The following SPINK9 variants were observed in gnomAD, a reference collection of about 807,000 sequenced individuals.
SPINK9 encodes the protein serine protease inhibitor Kazal-type 9.
Under a neutral mutation model 10.8 loss-of-function variants are expected in SPINK9, and 3 were observed. The ratio of observed to expected loss-of-function variants is 0.28; its 90% CI spans 0.13 to 0.72. SPINK9 has a LOEUF of 0.72. Among genes scored for constraint, SPINK9 ranks in the 30% least tolerant of loss-of-function variants. The probability of loss-of-function intolerance (pLI) is 0.74; values close to 1 mark genes in which losing one functional copy is unlikely to be tolerated. For missense variants in SPINK9, 101 were observed against 103.2 expected, an observed-to-expected ratio of 0.98 and a Z score of 0.09; for synonymous variants, 30 against 31.2, an observed-to-expected ratio of 0.96 and a Z score of 0.12.
At chr5:148,326,268 A>G (rs1484740754) in intron 2 of SPINK9, among the ~76,000 whole-genome samples, 1 of 152,200 alleles carries the variant, frequency 6.6e-6, no homozygotes, top group Non-Finnish European at 1.5e-5. Context: ...AGAATGTGAG[A>G]AAAAGGAATA....
At chr5:148,338,379 A>G in intron 2 of SPINK9, 99 bp from the exon 3 acceptor site, 1 of 1,030,756 alleles carries the variant, frequency 9.7e-7, no homozygotes. Flanking sequence ...GTAATAAGAA[A>G]CATGCATTGA....
chr5:148,327,533 G>T (rs1462536685), intron 2 of SPINK9, among the ~76,000 whole-genome samples: 84 of 152,078 alleles, frequency 5.5e-4, no homozygotes, highest in African/African-American at 1.9e-3. Flanking sequence ...GTCAATTTTG[G>T]CTTTTGTTGC....
chr5:148,327,429 C>G (rs1446304154), intron 2 of SPINK9, among the ~76,000 whole-genome samples: 1 of 151,998 alleles, frequency 6.6e-6, no homozygotes, highest in Non-Finnish European at 1.5e-5. Context: ...GAGTAGGTTG[C>G]AAAAATTTTC....
At chr5:148,322,351 A>G (rs557905910) in intron 1 of SPINK9, among the ~76,000 whole-genome samples, 1 of 152,338 alleles carries the variant, frequency 6.6e-6, no homozygotes, top group Admixed American at 6.5e-5. Context: ...AAGATCAGGT[A>G]AAGATATCAA....
chr5:148,327,331 C>G (rs1206809127), intron 2 of SPINK9, among the ~76,000 whole-genome samples: 2 of 152,094 alleles, frequency 1.3e-5, no homozygotes, highest in Non-Finnish European at 2.9e-5. Flanking sequence ...ATGTTCATAT[C>G]CCTTGCCCAC....
chr5:148,335,750 G>A, intron 1 of SPINK9, 82 bp downstream of exon 1: 2 of 1,466,474 alleles, frequency 1.4e-6, no homozygotes, highest in Non-Finnish European at 1.9e-6. Context: ...TGGGATATAT[G>A]TAATTCATCA....
upstream of SPINK9, among the ~76,000 whole-genome samples, chr5:148,331,881 T>G (rs34001290): frequency 0.34 from 51,655 of 152,104 alleles, 9,763 homozygotes; most frequent in African/African-American, 0.52. Context: ...AATTTTAATA[T>G]TGGAAAATGT....
chr5:148,332,125 A>C (rs1413711452), upstream of SPINK9, among the ~76,000 whole-genome samples: 1 of 152,238 alleles, frequency 6.6e-6, no homozygotes, highest in Non-Finnish European at 1.5e-5. Flanking sequence ...TTCAAAAGAA[A>C]AAGTTATAAA....
chr5:148,329,378 T>G (rs1163793120), intron 2 of SPINK9, among the ~76,000 whole-genome samples: 6 of 152,172 alleles, frequency 3.9e-5, no homozygotes, highest in Non-Finnish European at 8.8e-5. Flanking sequence ...TTATTGCATC[T>G]ATTTGATTCT....
chr5:148,334,250 A>ATCTGATG (rs1757186558), upstream of SPINK9, among the ~76,000 whole-genome samples: 1 of 151,960 alleles, frequency 6.6e-6, no homozygotes, highest in South Asian at 2.1e-4. Context: ...AGATATTAAG[A>ATCTGATG]ATTGGGGGGG....
rs1047155212 is a variant in SPINK9 at position 148,322,892 on chromosome 5, A to C, written c.-72-787A>C. On this transcript the variant is annotated intron_variant, in intron 1 of 4. Coordinates refer to the SPINK9 transcript ENST00000511717. ...GACCTTTTTCTTCCAGCATTTATCA[A>C]AACTCACGACCTTAAAAGTATCCCC... 2.6e-5 allele frequency among the ~76,000 whole-genome samples: 4 copies of C among 152,312 alleles called. No individual in the cohort carries two copies. In the East Asian group the frequency reaches 7.7e-4, roughly 29 times the overall value.
chr5:148,327,565 C>T (rs1757082187), intron 2 of SPINK9, among the ~76,000 whole-genome samples: 1 of 152,216 alleles, frequency 6.6e-6, no homozygotes, highest in East Asian at 1.9e-4. Context: ...GTGTTTTAGA[C>T]ATGAAGTCCT....
intron 1 of SPINK9, among the ~76,000 whole-genome samples, chr5:148,322,824 T>C (rs1757014080): frequency 6.6e-6 from 1 of 152,192 alleles, no homozygotes; most frequent in South Asian, 2.1e-4. Flanking sequence ...AGTTCTGCAA[T>C]CTATATGACA....
In SPINK9 at chr5:148,339,813, A is replaced by G. The variant is rs1311660102; in HGVS notation, c.*101A>G. The G allele has an allele frequency of 1.1e-6, 1 of 931,500 alleles. No individual in the cohort carries two copies. The highest frequency in any genetic ancestry group is 2.0e-5 in the Admixed American group (1 of 49,826). The allele number at this position is 931,500 out of a possible 1,614,324, so 57.7% of individuals were successfully genotyped here. The stretch of plus-strand genomic sequence containing the variant: ...TGCCACATTGCCTACTCATCACCAT[A>G]TGTAGATTTCTTTGTAGAATAAAGC... On this transcript the variant is annotated 3_prime_UTR_variant, in exon 4 of 4. Transcript: ENST00000377906.
chr5:148,339,522 T>C lies in SPINK9; in HGVS notation c.216-145T>C, dbSNP rs529706807. On this transcript the variant is annotated intron_variant, in intron 3 of 3. Coordinates refer to ENST00000377906, the MANE Select transcript of SPINK9 (RefSeq NM_001040433.2). ...ATAATCAGCACCAGTTTCAAAAATA[T>C]TTCTAAATTGCAGTCACTCCTTTTA... 23 of 618,556 alleles carry C rather than the reference T, an allele frequency of 3.7e-5. No individual in the cohort carries two copies. The South Asian group carries it at 4.6e-4, about 12-fold the overall frequency. 38.3% of individuals were successfully genotyped at this position (618,556 alleles called of 1,614,324 possible).
intron 1 of SPINK9, among the ~76,000 whole-genome samples, chr5:148,321,765 ATTAC>A (rs560527481): frequency 6.6e-6 from 1 of 152,352 alleles, no homozygotes; most frequent in Admixed American, 6.5e-5. Flanking sequence ...TCCCCAAGTC[ATTAC>A]TTACCCACAA....
chr5:148,324,914 C>A (rs942366289), intron 2 of SPINK9, among the ~76,000 whole-genome samples: 1 of 151,928 alleles, frequency 6.6e-6, no homozygotes, highest in African/African-American at 2.4e-5. Context: ...GAAACTATTC[C>A]CTTAGCAGTC....
upstream of SPINK9, among the ~76,000 whole-genome samples, chr5:148,331,757 A>G (rs1239042718): frequency 1.3e-5 from 2 of 152,246 alleles, no homozygotes; most frequent in Non-Finnish European, 2.9e-5. Flanking sequence ...TTATTTGTCA[A>G]TTAAAAATAA....
chr5:148,328,841 C>T (rs1227927423), intron 2 of SPINK9, among the ~76,000 whole-genome samples: 2 of 152,142 alleles, frequency 1.3e-5, no homozygotes, highest in Non-Finnish European at 2.9e-5. Context: ...CCTTGCATCC[C>T]AGGGATGAAG....
Sources: gnomAD v4.1 joint callset for allele counts (sites outside exome capture counted in the v4.1 genomes callset) on GRCh38, gnomAD v4.1.1 for gene constraint, MANE v1.5 for transcripts, NCBI Gene and HGNC (gene_info 2026-07-23, HGNC 2026-07-21) for gene names.